CLCN6: variants seen among roughly 807,000 people sequenced by gnomAD.
The protein encoded by CLCN6 is Cl-/H+ antiporter 6.
A neutral mutation model predicts 109.8 loss-of-function variants in CLCN6; 70 were observed. The ratio of observed to expected loss-of-function variants is 0.64; its 90% CI spans 0.53 to 0.78. CLCN6 has a LOEUF of 0.78. Ranked by LOEUF, CLCN6 falls within the 30% of genes least tolerant of loss-of-function variation. The pLI, the probability that CLCN6 is intolerant of heterozygous loss-of-function variation, is 0.00. For missense variants in CLCN6, 984 were observed against 1,142.3 expected, an observed-to-expected ratio of 0.86 and a Z score of 2.00; for synonymous variants, 444 against 447.8, an observed-to-expected ratio of 0.99 and a Z score of 0.11.
rs1356194298 is a variant in CLCN6 at position 11,828,509 on chromosome 1, T to G, written c.1006T>G (p.Phe336Val). 6.2e-7 allele frequency: 1 copy of G among 1,614,058 alleles called. No homozygotes were observed. Among genetic ancestry groups the G allele is most frequent in the Non-Finnish European group, 8.5e-7 (1 of 1,180,042 alleles). The change falls in exon 12 of 23, where the codon TTC becomes GTC. Residue 336 changes from phenylalanine (F) to valine (V), a missense_variant. Transcript: ENST00000346436. ...CHLWTAMDLG[F>V]FVVMGVIGGL... is the part of the protein sequence containing the mutation. ...TCTCTGGACAGCTATGGATTTGGGT[T>G]TCTTCGTCGTGATGGGGGTCATTGG...
At position 11,816,735 on chromosome 1, in the gene CLCN6, G is replaced by A; in HGVS notation, c.279+55G>A. On this transcript the variant is annotated intron_variant, in intron 4 of 22. Transcript: ENST00000346436. ...GGCCATAGGGCTGGAGGGGCTTACAGGGAAAGCCCTGGCCTGGTGAATAAC... is the reference window on the plus strand; with the variant it reads ...GGCCATAGGGCTGGAGGGGCTTACAAGGAAAGCCCTGGCCTGGTGAATAAC... 2.2e-6 allele frequency: 3 copies of A among 1,358,840 alleles called. No homozygotes were observed. In the South Asian group the frequency reaches 3.7e-5, roughly 17 times the overall value. 84.2% of individuals were successfully genotyped at this position (1,358,840 alleles called of 1,614,324 possible). A position where few individuals can be genotyped will look rare whatever the true frequency, so the allele number is the denominator to read the frequency against.
chr1:11,820,469 G>C, intron 5 of CLCN6: 1 of 693,834 alleles, frequency 1.4e-6, no homozygotes, highest in Non-Finnish European at 2.7e-6. Context: ...CAGACTATAA[G>C]AAAAAACATC....
intron 3 of CLCN6, among the ~76,000 whole-genome samples, chr1:11,816,243 T>G (rs41275472): frequency 0.17 from 26,244 of 152,238 alleles, 2,422 homozygotes; most frequent in African/African-American, 0.23. Context: ...TTTATAGACC[T>G]CAGTATAGTG....
intron 2 of CLCN6, among the ~76,000 whole-genome samples, chr1:11,809,749 C>G (rs116276741): frequency 1.3e-5 from 2 of 152,204 alleles, no homozygotes; most frequent in Non-Finnish European, 2.9e-5. Context: ...TGAGCCACCA[C>G]GCGTGGCCAT....
At chr1:11,809,923 C>T (rs1262411864) in intron 2 of CLCN6, among the ~76,000 whole-genome samples, 2 of 152,048 alleles carry the variant, frequency 1.3e-5, no homozygotes, top group Non-Finnish European at 2.9e-5. Flanking sequence ...AATAAATCAA[C>T]TTGACACAAA....
At position 11,834,693 on chromosome 1, in the gene CLCN6, G is replaced by A. The variant is rs961033161; in HGVS notation, c.1793+103G>A. ...AGGAAACAGTAACTCACTTTTCTTG[G>A]GCTGAAAGAAGCAACACACCCATTC... On this transcript the variant is annotated intron_variant, in intron 17 of 22. Transcript: ENST00000346436. The surrounding 1 kb of genome is among the most constrained non-coding windows in gnomAD (Gnocchi z 4.5). The A allele has an allele frequency of 3.9e-6, 4 of 1,017,330 alleles. No individual in the cohort carries two copies. The highest frequency in any genetic ancestry group is 1.5e-5 in the South Asian group (1 of 67,590). The allele number at this position is 1,017,330 out of a possible 1,614,324, so 63.0% of individuals were successfully genotyped here.
intron 8 of CLCN6, 67 bp from the exon 9 acceptor site, chr1:11,826,087 TAC>T: frequency 9.0e-7 from 1 of 1,114,860 alleles, no homozygotes. Context: ...TTTCCATAAT[TAC>T]TGGGGTACAG....
intron 2 of CLCN6, among the ~76,000 whole-genome samples, chr1:11,808,966 G>A (rs1444180154): frequency 1.3e-5 from 2 of 151,738 alleles, no homozygotes; most frequent in Non-Finnish European, 2.9e-5. Context: ...GGTTCAAGCG[G>A]TTCTTCTGCC....
chr1:11,820,226 C>T (rs1644723600), intron 5 of CLCN6: 1 of 556,324 alleles, frequency 1.8e-6, no homozygotes, highest in African/African-American at 1.9e-5. Context: ...GAGGTGAGCC[C>T]AGGAGTTTGA....
At chr1:11,820,085 C>T (rs1196380092) in intron 5 of CLCN6, among the ~76,000 whole-genome samples, 1 of 152,206 alleles carries the variant, frequency 6.6e-6, no homozygotes, top group Non-Finnish European at 1.5e-5. Context: ...AGCTGGTCCT[C>T]ACATACATGG....
intron 2 of CLCN6, among the ~76,000 whole-genome samples, chr1:11,812,638 CAA>C (rs755458102): frequency 7.2e-5 from 7 of 96,968 alleles, no homozygotes; most frequent in Admixed American, 2.1e-4. Context: ...TACCACGGCT[CAA>C]AAAAAAAAAA....
At chr1:11,806,865 T>G in intron 1 of CLCN6, 1 of 438,024 alleles carries the variant, frequency 2.3e-6, no homozygotes, top group East Asian at 3.7e-5. Context: ...ACCCCCCTTT[T>G]CAGCTGGCGT....
At chr1:11,827,047 G>A (rs1158844809) in intron 9 of CLCN6, 42 bp from the exon 10 acceptor site, 2 of 1,603,548 alleles carry the variant, frequency 1.2e-6, no homozygotes, top group African/African-American at 2.7e-5. Context: ...TTTGGGGGCT[G>A]GGGGCTCTTT....
In CLCN6 at chr1:11,838,429, C is replaced by T. The variant is rs1226998141; in HGVS notation, c.2390C>T (p.Pro797Leu). Residue 797 changes from proline (P) to leucine (L), a missense_variant, in exon 21 of 23, where the codon CCG becomes CTG. Coordinates refer to ENST00000346436, the MANE Select transcript of CLCN6 (RefSeq NM_001286.5). ...IHDLDLTLLNPRMIVDVTPYM... is the reference protein window; with the variant it reads ...IHDLDLTLLNLRMIVDVTPYM... ...GACCTGGACCTGACGCTGCTCAACC[C>T]GCGCATGATCGTGGTGAGAAGGGCT... 3 of 1,614,144 alleles carry T rather than the reference C, an allele frequency of 1.9e-6. No individual in the cohort carries two copies. The highest frequency in any genetic ancestry group is 2.5e-6 in the Non-Finnish European group (3 of 1,180,042).
chr1:11,816,756 A>G (rs1644678420), intron 4 of CLCN6, 76 bp downstream of exon 4: 2 of 1,005,898 alleles, frequency 2.0e-6, no homozygotes, highest in Non-Finnish European at 3.0e-6. Flanking sequence ...GGCCTGGTGA[A>G]TAACATTGTC....
intron 5 of CLCN6, among the ~76,000 whole-genome samples, chr1:11,821,073 T>C (rs1282549375): frequency 2.4e-5 from 3 of 123,124 alleles, no homozygotes; most frequent in Admixed American, 8.1e-5. Context: ...CAAAACTGTC[T>C]CAAAAAACAA....
At chr1:11,830,764 T>TATATACAC (rs1202765592) in intron 13 of CLCN6, among the ~76,000 whole-genome samples, 4 of 115,616 alleles carry the variant, frequency 3.5e-5, no homozygotes, top group South Asian at 2.7e-4. Flanking sequence ...TATATATATA[T>TATATACAC]ACACACACAC....
chr1:11,824,712 A>G (rs936318528), intron 8 of CLCN6, among the ~76,000 whole-genome samples, 159 bp downstream of exon 8: 1 of 152,178 alleles, frequency 6.6e-6, no homozygotes, highest in Admixed American at 6.5e-5. Flanking sequence ...GAAAGGGCAT[A>G]ACTTATACTT....
At chr1:11,809,023 G>T in intron 2 of CLCN6, among the ~76,000 whole-genome samples, 1 of 151,518 alleles carries the variant, frequency 6.6e-6, no homozygotes, top group South Asian at 2.1e-4. Flanking sequence ...CACCATGCCC[G>T]GCTAATTTTT....
Sources: gnomAD v4.1 joint callset for allele counts (sites outside exome capture counted in the v4.1 genomes callset) on GRCh38, gnomAD v4.1.1 for gene constraint, Gnocchi (gnomAD v3.1) non-coding constraint, MANE v1.5 for transcripts, NCBI Gene and HGNC (gene_info 2026-07-23, HGNC 2026-07-21) for gene names.